M1AP: variants seen among roughly 807,000 people sequenced by gnomAD.
The protein encoded by M1AP is meiosis 1 associated protein.
In M1AP, 39 loss-of-function variants were observed where a neutral mutation model predicts 51.2. The observed-to-expected ratio is 0.76, with a 90% CI of 0.59 to 1.00. The LOEUF is 1.00. Among genes scored for constraint, M1AP ranks in the 50% least tolerant of loss-of-function variants. M1AP has a pLI of 0.00. For missense variants in M1AP, 545 were observed against 641.2 expected, an observed-to-expected ratio of 0.85 and a Z score of 1.62; for synonymous variants, 251 against 249.2, an observed-to-expected ratio of 1.01 and a Z score of -0.07.
At chr2:74,572,445 CGAGTAGCTGGGACTACAG>C (rs1558651759) in intron 7 of M1AP, among the ~76,000 whole-genome samples, 1 of 152,130 alleles carries the variant, frequency 6.6e-6, no homozygotes, top group African/African-American at 2.4e-5. Context: ...CTCAGACTCC[CGAGTAGCTGGGACTACAG>C]GTGTGAGTCA....
At chr2:74,603,781 CAT>C (rs1295141598) in intron 4 of M1AP, among the ~76,000 whole-genome samples, 1 of 152,178 alleles carries the variant, frequency 6.6e-6, no homozygotes, top group African/African-American at 2.4e-5. Flanking sequence ...GAAGGATCCA[CAT>C]GTGTCAGAAT....
In M1AP at chr2:74,569,909, CGTGTGT is replaced by C. The variant is rs145070644; in HGVS notation, c.1074+5523_1074+5528del. Among the ~76,000 whole-genome samples the C allele has an allele frequency of 7.5e-3, 1,072 of 143,348 alleles. 15 individuals carry two copies. Among genetic ancestry groups the C allele is most frequent in the African/African-American group, 0.025 (992 of 39,438 alleles). The allele number at this position is 143,348 out of a possible 152,430, so 94.0% of individuals were successfully genotyped here. On this transcript the variant is annotated intron_variant, in intron 7 of 10. Transcript: ENST00000421985. ...GTGTGTGTATGTGTGTGTGTGCATG[CGTGTGT>C]GTGTGTGTGTGTGTGTGTGAAAGGT... is the stretch of plus-strand genomic sequence containing the variant.
intron 4 of M1AP, among the ~76,000 whole-genome samples, chr2:74,582,312 T>C (rs1003068904): frequency 7.8e-4 from 119 of 152,310 alleles, no homozygotes; most frequent in African/African-American, 2.7e-3. Flanking sequence ...TCTTGAGCAG[T>C]ACACAAAGGC....
intron 8 of M1AP, among the ~76,000 whole-genome samples, 199 bp from the exon 9 acceptor site, chr2:74,560,490 TAGG>T (rs931927952): frequency 1.3e-5 from 2 of 152,106 alleles, no homozygotes; most frequent in African/African-American, 4.8e-5. Context: ...CAGGCATGGA[TAGG>T]AGAAGTAGGA....
intron 1 of M1AP, among the ~76,000 whole-genome samples, chr2:74,643,891 C>T (rs1026266395): frequency 6.6e-6 from 1 of 152,148 alleles, no homozygotes. Flanking sequence ...CCACCACTTC[C>T]AGCCTAATGT....
chr2:74,572,348 C>G (rs1323197730), intron 7 of M1AP, among the ~76,000 whole-genome samples: 1 of 152,156 alleles, frequency 6.6e-6, no homozygotes, highest in African/African-American at 2.4e-5. Flanking sequence ...CCCCCCTAAG[C>G]AGTGTCTCCC....
At chr2:74,581,626 C>G in intron 5 of M1AP, 48 bp downstream of exon 5, 1 of 1,572,104 alleles carries the variant, frequency 6.4e-7, no homozygotes. Flanking sequence ...GAGTCCTGAT[C>G]CCAGATAAGA....
intron 2 of M1AP, among the ~76,000 whole-genome samples, chr2:74,624,222 T>C (rs1038233430): frequency 6.6e-6 from 1 of 152,200 alleles, no homozygotes; most frequent in Admixed American, 6.5e-5. Context: ...TGTGGCACAT[T>C]CTAGTTGGTT....
In M1AP at chr2:74,598,768, A is replaced by G. The variant is rs186465973; in HGVS notation, c.595+8287T>C. 2.0e-3 allele frequency among the ~76,000 whole-genome samples: 306 copies of G among 151,750 alleles called. 2 individuals carry two copies. The highest frequency in any genetic ancestry group is 3.0e-3 in the Non-Finnish European group (201 of 67,912). ...CCTGAGTAGCTGGGACTGCAGGTGC[A>G]TGCCACCATGCCTGGCTAATTTTGT... On this transcript the variant is annotated intron_variant, in intron 4 of 10. Transcript: ENST00000421985.
chr2:74,576,434 G>C, intron 6 of M1AP, 22 bp downstream of exon 6: 2 of 1,611,936 alleles, frequency 1.2e-6, no homozygotes, highest in South Asian at 1.1e-5. Context: ...GCATGGATTG[G>C]GGAGGTTCCC....
At chr2:74,617,778 A>AT (rs1681756753) in intron 2 of M1AP, among the ~76,000 whole-genome samples, 1 of 152,242 alleles carries the variant, frequency 6.6e-6, no homozygotes, top group Admixed American at 6.5e-5. Context: ...GCAATGTTCT[A>AT]TATTTCTATT....
chr2:74,621,375 G>T (rs1682022993), intron 2 of M1AP, among the ~76,000 whole-genome samples: 1 of 152,142 alleles, frequency 6.6e-6, no homozygotes, highest in Admixed American at 6.5e-5. Context: ...ATCCAGCCGG[G>T]CCTCTGTCAA....
At position 74,640,034 on chromosome 2, in the gene M1AP, A is replaced by C. The variant is rs760939476; in HGVS notation, c.240+2T>G. 1.2e-6 allele frequency: 2 copies of C among 1,613,006 alleles called. No individual in the cohort carries two copies. Among genetic ancestry groups the C allele is most frequent in the Non-Finnish European group, 8.5e-7 (1 of 1,178,972 alleles). On this transcript the variant is annotated splice_donor_variant, in intron 2 of 10. Coordinates refer to ENST00000421985, the MANE Select transcript of M1AP (RefSeq NM_001321739.2). LOFTEE classifies it high-confidence loss of function. ...AAAATGAATAAATATAGATATACTT[A>C]CCACAAAAGGGAGGATGCACTCATG... is the stretch of plus-strand genomic sequence containing the variant.
At chr2:74,564,234 G>T (rs193071258) in intron 7 of M1AP, among the ~76,000 whole-genome samples, 307 of 152,310 alleles carry the variant, frequency 2.0e-3, no homozygotes, top group African/African-American at 6.1e-3. Flanking sequence ...CGGGACACAT[G>T]CTGGGGTGGG....
At chr2:74,640,974 A>G (rs1270242485) in intron 1 of M1AP, among the ~76,000 whole-genome samples, 1 of 152,180 alleles carries the variant, frequency 6.6e-6, no homozygotes, top group Non-Finnish European at 1.5e-5. Flanking sequence ...CTCTCCCACT[A>G]TATTGTAAGC....
intron 2 of M1AP, among the ~76,000 whole-genome samples, chr2:74,626,501 C>T (rs1481423415): frequency 1.3e-5 from 2 of 152,134 alleles, no homozygotes; most frequent in East Asian, 1.9e-4. Context: ...TCAAGCAATC[C>T]TCCCTCCTTG....
intron 7 of M1AP, among the ~76,000 whole-genome samples, chr2:74,573,343 C>T (rs886724965): frequency 2.7e-5 from 4 of 150,934 alleles, no homozygotes; most frequent in East Asian, 2.0e-4. Flanking sequence ...TATGAGCCAC[C>T]GTGCCCAGCC....
chr2:74,647,465 C>A (rs1558707072), intron 1 of M1AP: 1 of 870,234 alleles, frequency 1.1e-6, no homozygotes, highest in Non-Finnish European at 1.4e-6. Flanking sequence ...TTCGTGGACC[C>A]CTTCCTCCAT....
intron 2 of M1AP, among the ~76,000 whole-genome samples, chr2:74,630,704 TACC>T (rs147511656): frequency 0.027 from 4,182 of 152,294 alleles, 178 homozygotes; most frequent in African/African-American, 0.096. Context: ...GGTGTGTATG[TACC>T]ACATTTTTTT....
Sources: allele counts gnomAD v4.1 joint callset (sites outside exome capture counted in the v4.1 genomes callset), GRCh38; gene constraint gnomAD v4.1.1; transcripts MANE v1.5; gene names NCBI Gene and HGNC (gene_info 2026-07-23, HGNC 2026-07-21).